GLS2: variants seen among roughly 807,000 people sequenced by gnomAD.
GLS2 encodes the protein glutaminase 2, also known as glutaminase liver isoform, mitochondrial.
A neutral mutation model predicts 79.0 loss-of-function variants in GLS2; 52 were observed. That is an observed-to-expected ratio of 0.66 (90% confidence interval 0.53 to 0.83). GLS2 has a LOEUF of 0.83. Ranked by LOEUF, GLS2 falls within the 40% of genes least tolerant of loss-of-function variation. The probability of loss-of-function intolerance (pLI) is 0.00; values close to 1 mark genes in which losing one functional copy is unlikely to be tolerated. For synonymous variants in GLS2, 238 were observed against 280.8 expected (o/e 0.85, Z 1.52); for missense variants, 561 against 764.8 (o/e 0.73, Z 3.14).
At position 56,488,058 on chromosome 12, in the gene GLS2, C is replaced by G; in HGVS notation, c.61G>C (p.Gly21Arg). 6.3e-7 allele frequency: 1 copy of G among 1,584,160 alleles called. No individual in the cohort carries two copies. Among genetic ancestry groups the G allele is most frequent in the Non-Finnish European group, 8.5e-7 (1 of 1,172,218 alleles). Residue 21 changes from glycine (G) to arginine (R), a missense_variant, in exon 1 of 18, where the codon GGA becomes CGA. Physicochemically the swap from Gly to Arg is moderately radical, Grantham distance 125. Transcript: ENST00000311966. Reference sequence around the variant, plus strand: ...CTCCGGCTCGGGTGACCCCAGCCTCCTCGCCCGCAGTGACTGCCAGCCCGG... The same window carrying G: ...CTCCGGCTCGGGTGACCCCAGCCTCGTCGCCCGCAGTGACTGCCAGCCCGG... Reference protein sequence around the residue: ...LSRAGSHCGRGGWGHPSRSPL... With the variant: ...LSRAGSHCGRRGWGHPSRSPL...
At chr12:56,482,881 G>A (rs1229611275) in intron 1 of GLS2, among the ~76,000 whole-genome samples, 1 of 152,064 alleles carries the variant, frequency 6.6e-6, no homozygotes, top group African/African-American at 2.4e-5. Context: ...ATAGGCGTGA[G>A]CCACCGCACC....
intron 1 of GLS2, among the ~76,000 whole-genome samples, chr12:56,481,794 G>A (rs1870320640): frequency 6.6e-6 from 1 of 151,492 alleles, no homozygotes; most frequent in Non-Finnish European, 1.5e-5. Context: ...CAGAAGCTGA[G>A]GCAAGAGAAT....
chr12:56,475,570 G>A (rs1028588578), intron 9 of GLS2, 54 bp downstream of exon 9: 38 of 1,563,840 alleles, frequency 2.4e-5, no homozygotes, highest in Non-Finnish European at 2.9e-5. Context: ...CCCATCCTAA[G>A]TACACACACA....
In GLS2 at chr12:56,479,061, A is replaced by G. The variant is rs748649429; in HGVS notation, c.525T>C (p.Thr175=). 4.5e-5 allele frequency: 72 copies of G among 1,613,194 alleles called. No individual in the cohort carries two copies. The highest frequency in any genetic ancestry group is 5.8e-5 in the Non-Finnish European group (69 of 1,179,810). Residue 175 remains threonine, a synonymous_variant, in exon 4 of 18, where the codon ACT becomes ACC. Transcript: ENST00000311966. ...GTCCCCTGACTCTCACTTTGCCTCC[A>G]GTGAGCTCTTTGACATCCTCAAAGA... ...DRIFEDVKEL[T]GGKVAAYIPQ...
At position 56,480,378 on chromosome 12, in the gene GLS2, T is replaced by C. The variant is rs1713683199; in HGVS notation, c.192A>G (p.Ser64=). 2 of 1,614,054 alleles carry C rather than the reference T, an allele frequency of 1.2e-6. No individual in the cohort carries two copies. Among genetic ancestry groups the C allele is most frequent in the Non-Finnish European group, 8.5e-7 (1 of 1,179,936 alleles). Residue 64 remains serine (S), a synonymous_variant, in exon 2 of 18, where the codon TCA becomes TCG. Coordinates refer to ENST00000311966, the MANE Select transcript of GLS2 (RefSeq NM_013267.4). The part of the protein sequence containing the change: ...HQPQHQDHDS[S]ESGMLSRLGD... ...CCAGGCGGGACAGCATGCCACTTTC[T>C]GATGAATCACTGTTTGGGGGCAGAG... is the stretch of plus-strand genomic sequence containing the variant.
At position 56,471,645 on chromosome 12, in the gene GLS2, TGA is replaced by T; in HGVS notation, c.1653-4_1653-3del. ...TCATCCAGGGGAATGTTGCCCCACC[TGA>T]GAGGAATAATGATATGATCAGGCAA... On this transcript the variant is annotated splice_polypyrimidine_tract_variant and splice_region_variant and intron_variant, in intron 17 of 17. Coordinates refer to ENST00000311966, the MANE Select transcript of GLS2 (RefSeq NM_013267.4). The T allele has an allele frequency of 6.2e-7, 1 of 1,614,012 alleles. No individual in the cohort carries two copies.
intron 12 of GLS2, 150 bp downstream of exon 12, chr12:56,474,394 A>G (rs1389275687): frequency 1.1e-6 from 1 of 896,476 alleles, no homozygotes; most frequent in Non-Finnish European, 1.7e-6. Context: ...TTTTTGAGAA[A>G]CTCGTCTAAG....
chr12:56,477,882 T>C (rs769845535), intron 6 of GLS2, 51 bp downstream of exon 6: 2 of 1,582,372 alleles, frequency 1.3e-6, no homozygotes, highest in Non-Finnish European at 1.7e-6. Context: ...GGGGTGGGGA[T>C]AAGGAGAAGG....
At chr12:56,476,982 C>T (rs868726423) in intron 7 of GLS2, 5 of 152,208 alleles carry the variant, frequency 3.3e-5, no homozygotes, top group Admixed American at 1.3e-4. Context: ...CATCACAGAA[C>T]AAGGGGAGAG....
Position 56,471,411 on chromosome 12 carries a change from T to C in GLS2, c.*76A>G. 1 of 1,456,782 alleles carries C rather than the reference T, an allele frequency of 6.9e-7. No homozygotes were observed. Among genetic ancestry groups the C allele is most frequent in the South Asian group, 1.3e-5 (1 of 75,206 alleles). The allele number at this position is 1,456,782 out of a possible 1,614,324, so 90.2% of individuals were successfully genotyped here. ...ACTGAAGCAGTGTAGCTCTCCATAG[T>C]ATTTTTGGTGGTTATGGATTACATG... On this transcript the variant is annotated 3_prime_UTR_variant, in exon 18 of 18. Coordinates refer to ENST00000311966, the MANE Select transcript of GLS2 (RefSeq NM_013267.4).
At chr12:56,478,947 G>C (rs1870060248) in intron 4 of GLS2, 105 bp downstream of exon 4, 5 of 1,414,384 alleles carry the variant, frequency 3.5e-6, no homozygotes, top group Non-Finnish European at 4.7e-6. Flanking sequence ...TTGCACCATT[G>C]CACTCCAGCC....
chr12:56,472,876 T>A, intron 14 of GLS2, 125 bp from the exon 15 acceptor site: 4 of 681,154 alleles, frequency 5.9e-6, no homozygotes, highest in Non-Finnish European at 9.9e-6. Flanking sequence ...TGTGCTACTC[T>A]GAAATATTCT....
rs771745896 is a variant in GLS2 at position 56,473,340 on chromosome 12, ATAT to A, written c.1357-23_1357-21del. On this transcript the variant is annotated intron_variant, in intron 13 of 17. Transcript: ENST00000311966. ...CAACTTCTAGAATTGTAAGCCAAAT[ATAT>A]TGTTTATTTACTCCTTACACTTAGT... 6.2e-7 allele frequency: 1 copy of A among 1,613,566 alleles called. No homozygotes were observed. The highest frequency in any genetic ancestry group is 8.5e-7 in the Non-Finnish European group (1 of 1,179,660).
In GLS2 at chr12:56,485,985, C is replaced by T. The variant is rs943337523; in HGVS notation, c.182+1952G>A. On this transcript the variant is annotated intron_variant, in intron 1 of 17. Coordinates refer to ENST00000311966, the MANE Select transcript of GLS2 (RefSeq NM_013267.4). ...GAGCCGAGATTGCGCCACTGCACTC[C>T]AGCCTGGGCGGCAAAGAGACTCTGT... 1.5e-4 allele frequency among the ~76,000 whole-genome samples: 19 copies of T among 126,432 alleles called. 1 individual carries two copies. The East Asian group carries it at 1.8e-3, about 12-fold the overall frequency. The allele number at this position is 126,432 out of a possible 152,430, so 82.9% of individuals were successfully genotyped here.
At chr12:56,479,370 A>C (rs1870102047) in intron 3 of GLS2, 189 bp from the exon 4 acceptor site, 3 of 619,154 alleles carry the variant, frequency 4.8e-6, no homozygotes, top group Non-Finnish European at 7.9e-6. Flanking sequence ...GAGGGGTTTT[A>C]ATGATGTGGA....
chr12:56,480,005 C>T, intron 2 of GLS2, 104 bp from the exon 3 acceptor site: 1 of 1,426,482 alleles, frequency 7.0e-7, no homozygotes, highest in Non-Finnish European at 9.5e-7. Context: ...CCAACCACTA[C>T]AATAGGTGGA....
chr12:56,473,178 C>T (rs2657878), intron 14 of GLS2, 50 bp downstream of exon 14: 264,683 of 1,557,750 alleles, frequency 0.17, 23,863 homozygotes, highest in Admixed American at 0.2. Context: ...CGTGAGCCAC[C>T]GCACCTGGCC....
intron 15 of GLS2, chr12:56,472,463 A>G (rs904557965): frequency 1.6e-6 from 1 of 606,174 alleles, no homozygotes; most frequent in African/African-American, 1.8e-5. Context: ...ACTTCCTAGG[A>G]CACTGCTCTT....
chr12:56,485,951 G>A (rs559196841), intron 1 of GLS2, among the ~76,000 whole-genome samples: 1 of 144,488 alleles, frequency 6.9e-6, no homozygotes, highest in African/African-American at 2.6e-5. Context: ...CTGAGGCAGA[G>A]GTTGCAGTGA....
Sources: allele counts gnomAD v4.1 joint callset (sites outside exome capture counted in the v4.1 genomes callset), GRCh38; gene constraint gnomAD v4.1.1; transcripts MANE v1.5; gene names NCBI Gene and HGNC (gene_info 2026-07-23, HGNC 2026-07-21).